The following ARID2 variants were observed in gnomAD, a reference collection of about 807,000 sequenced individuals.
The protein encoded by ARID2 is AT-rich interaction domain 2, also known as AT-rich interactive domain-containing protein 2.
ARID2 carries 32 observed loss-of-function variants against 184.6 expected under a neutral mutation model. The ratio of observed to expected loss-of-function variants is 0.17; its 90% CI spans 0.13 to 0.23. ARID2 has a LOEUF of 0.23. Among genes scored for constraint, ARID2 ranks in the 10% least tolerant of loss-of-function variants. The probability of loss-of-function intolerance (pLI) is 1.00; values close to 1 mark genes in which losing one functional copy is unlikely to be tolerated. For synonymous variants in ARID2, 836 were observed against 772.6 expected (o/e 1.08, Z -1.36); for missense variants, 1,696 against 2,197.6 (o/e 0.77, Z 4.56).
intron 3 of ARID2, among the ~76,000 whole-genome samples, chr12:45,808,989 C>T (rs968610882): frequency 6.6e-6 from 1 of 152,132 alleles, no homozygotes; most frequent in African/African-American, 2.4e-5. Context: ...TGGCCTCGAA[C>T]TCTTGGCCTC....
rs1411769168 is a variant in ARID2, at chr12:45,851,635, A to G, written c.3512A>G (p.Gln1171Arg). 4 of 1,614,202 alleles carry G rather than the reference A, an allele frequency of 2.5e-6. No individual in the cohort carries two copies. The highest frequency in any genetic ancestry group is 2.2e-5 in the South Asian group (2 of 91,088). ...ATTTTCCAAGGGACTTCTGGCAACC[A>G]GGTAACCATAACAGTTGTGCCAAAT... is the stretch of plus-strand genomic sequence containing the variant. ...ATIFQGTSGN[Q>R]VTITVVPNTS... Residue 1171 changes from glutamine to arginine, a missense_variant, in exon 15 of 21, where the codon CAG (glutamine) becomes CGG (arginine). Transcript: ENST00000334344.
chr12:45,895,506 G>A (rs1044243221), intron 20 of ARID2, among the ~76,000 whole-genome samples: 1 of 152,140 alleles, frequency 6.6e-6, no homozygotes, highest in Admixed American at 6.5e-5. Context: ...TGATAGACAG[G>A]TGGTGGGAAA....
chr12:45,891,403 A>G (rs755379992), intron 16 of ARID2, among the ~76,000 whole-genome samples: 3 of 151,912 alleles, frequency 2.0e-5, no homozygotes, highest in Non-Finnish European at 2.9e-5. Context: ...GGACAGACAT[A>G]TAAATGTGAA....
At chr12:45,741,140 A>T (rs1941245942) in intron 3 of ARID2, among the ~76,000 whole-genome samples, 1 of 152,210 alleles carries the variant, frequency 6.6e-6, no homozygotes, top group Non-Finnish European at 1.5e-5. Flanking sequence ...TCAGTTATTA[A>T]TATGATACAA....
chr12:45,752,738 C>A (rs942277842), intron 3 of ARID2, among the ~76,000 whole-genome samples: 2 of 152,206 alleles, frequency 1.3e-5, no homozygotes, highest in African/African-American at 4.8e-5. Context: ...GTAAGCAGTC[C>A]TCCTGCCTTG....
At chr12:45,826,405 G>A (rs563240918) in intron 6 of ARID2, among the ~76,000 whole-genome samples, 15 of 151,920 alleles carry the variant, frequency 9.9e-5, no homozygotes, top group Non-Finnish European at 1.5e-4. Context: ...TTTTACAGAG[G>A]TTAGTCTTTA....
chr12:45,778,467 T>A (rs1184758249), intron 3 of ARID2, among the ~76,000 whole-genome samples: 1 of 152,102 alleles, frequency 6.6e-6, no homozygotes, highest in Non-Finnish European at 1.5e-5. Flanking sequence ...TTTTGATATT[T>A]GTGTGTATAT....
chr12:45,883,116 G>A (rs956344912), intron 16 of ARID2, among the ~76,000 whole-genome samples: 2 of 152,074 alleles, frequency 1.3e-5, no homozygotes, highest in East Asian at 3.9e-4. Flanking sequence ...CTTCATAAAT[G>A]TGAGATTAAT....
chr12:45,764,256 C>T (rs970494657), intron 3 of ARID2, among the ~76,000 whole-genome samples: 11 of 152,108 alleles, frequency 7.2e-5, no homozygotes, highest in East Asian at 1.9e-4. Flanking sequence ...TGGTGGAACT[C>T]GAAACAGTGA....
At chr12:45,878,797 T>C (rs1364625921) in intron 16 of ARID2, among the ~76,000 whole-genome samples, 2 of 152,164 alleles carry the variant, frequency 1.3e-5, no homozygotes, top group African/African-American at 2.4e-5. Context: ...TTTATACTTT[T>C]GGCGTGCCTT....
chr12:45,730,834 G>T (rs1351678990), intron 2 of ARID2, among the ~76,000 whole-genome samples: 1 of 100,972 alleles, frequency 9.9e-6, no homozygotes. Flanking sequence ...CCCCCAACCC[G>T]CGGACGTCGC....
intron 16 of ARID2, among the ~76,000 whole-genome samples, chr12:45,877,005 T>G (rs1175502227): frequency 6.9e-6 from 1 of 143,992 alleles, no homozygotes; most frequent in East Asian, 2.0e-4. Flanking sequence ...GGCAGGAGAA[T>G]AGCGTGAACC....
rs2138137159 is a variant in ARID2, at chr12:45,839,419, G to A, written c.1421G>A (p.Ser474Asn). The change falls in exon 11 of 21, where the codon AGT becomes AAT. Residue 474 changes from serine (S) to asparagine (N), a missense_variant. Around this residue, in one of 11 missense-constraint regions of ARID2, gnomAD observed 713 missense variants for 824.4 expected, o/e 0.86. Coordinates refer to ENST00000334344, the MANE Select transcript of ARID2 (RefSeq NM_152641.4). ...AAACTCATTGAACACCCAAGTTCCA[G>A]TCATCAAATGTTATCTGAAATTAGG... is the stretch of plus-strand genomic sequence containing the variant. ...AVKLIEHPSS[S>N]HQMLSEIRPQ... The A allele has an allele frequency of 6.2e-7, 1 of 1,614,114 alleles. No homozygotes were observed. The highest frequency in any genetic ancestry group is 8.5e-7 in the Non-Finnish European group (1 of 1,180,006).
chr12:45,743,805 G>A (rs1335955094), intron 3 of ARID2, among the ~76,000 whole-genome samples: 4 of 152,050 alleles, frequency 2.6e-5, no homozygotes, highest in African/African-American at 9.7e-5. Flanking sequence ...AGAGCCTAAA[G>A]TTTTCTTTAT....
chr12:45,823,076 A>G (rs975174866), intron 6 of ARID2, among the ~76,000 whole-genome samples: 4 of 151,906 alleles, frequency 2.6e-5, no homozygotes. Flanking sequence ...ATGCCACAAT[A>G]CAATCTCAAC....
At chr12:45,810,617 CAGTA>C (rs1942689094) in intron 3 of ARID2, among the ~76,000 whole-genome samples, 1 of 152,018 alleles carries the variant, frequency 6.6e-6, no homozygotes. Context: ...TGAGGTAGTG[CAGTA>C]TGTATTGGTA....
intron 20 of ARID2, 45 bp from the exon 21 acceptor site, chr12:45,904,889 G>A (rs780895774): frequency 5.0e-6 from 8 of 1,600,124 alleles, no homozygotes; most frequent in African/African-American, 2.7e-5. Flanking sequence ...AAGAGTCATC[G>A]CTGTGACCTT....
chr12:45,817,697 C>A lies in ARID2; in HGVS notation c.446C>A (p.Ser149Tyr), dbSNP rs754611748. 42 of 1,610,720 alleles carry A rather than the reference C, an allele frequency of 2.6e-5. No individual in the cohort carries two copies. The highest frequency in any genetic ancestry group is 3.3e-5 in the Non-Finnish European group (39 of 1,179,542). The change falls in exon 5 of 21, where the codon TCC becomes TAC. Residue 149 changes from serine (S) to tyrosine (Y), a missense_variant. Physicochemically the swap from Ser to Tyr is moderately radical, Grantham distance 144 (BLOSUM62 -2). This residue lies in a region of ARID2 where 148 missense variants were observed against 285.4 expected (regional missense o/e 0.52). Coordinates refer to ENST00000334344, the MANE Select transcript of ARID2 (RefSeq NM_152641.4). ...TATCTGCGTCAAAGTTATGGGCTGT[C>A]CATGGACTTTAATTCGCCAAATGAT... Reference protein sequence around the residue: ...SDYLRQSYGLSMDFNSPNDYN... With the variant: ...SDYLRQSYGLYMDFNSPNDYN...
intron 16 of ARID2, among the ~76,000 whole-genome samples, chr12:45,878,860 T>C (rs903923958): frequency 8.5e-5 from 13 of 152,170 alleles, no homozygotes; most frequent in Admixed American, 4.6e-4. Context: ...CTGAGGTAAA[T>C]AGCCTTTGGC....
Sources: allele counts gnomAD v4.1 joint callset (sites outside exome capture counted in the v4.1 genomes callset), GRCh38; gene constraint gnomAD v4.1.1; regional missense constraint gnomAD v4.1.1; transcripts MANE v1.5; gene names NCBI Gene and HGNC (gene_info 2026-07-23, HGNC 2026-07-21).